The following CCDC30 variants were observed in gnomAD, a reference collection of about 807,000 sequenced individuals.
CCDC30 encodes coiled-coil domain containing 30.
CCDC30 carries 70 observed loss-of-function variants against 100.2 expected under a neutral mutation model. The observed-to-expected ratio is 0.70, with a 90% CI of 0.58 to 0.85. The LOEUF is 0.85. Among genes scored for constraint, CCDC30 ranks in the 40% least tolerant of loss-of-function variants. The pLI, the probability that CCDC30 is intolerant of heterozygous loss-of-function variation, is 0.00. For missense variants in CCDC30, 652 were observed against 771.2 expected (o/e 0.85, Z 1.83); for synonymous variants, 233 against 269.5 (o/e 0.86, Z 1.33).
intron 6 of CCDC30, among the ~76,000 whole-genome samples, chr1:42,499,660 T>C (rs1644278637): frequency 6.6e-6 from 1 of 152,046 alleles, no homozygotes; most frequent in African/African-American, 2.4e-5. Context: ...AAATCTTTTT[T>C]GTAGAGATGA....
intron 6 of CCDC30, chr1:42,542,946 T>G (rs1645045429): frequency 6.5e-6 from 1 of 153,538 alleles, no homozygotes; most frequent in Non-Finnish European, 1.5e-5. Flanking sequence ...CTGTAATGTT[T>G]ACATTTTTAC....
At chr1:42,463,355 G>C (rs1643466682) in exon 1 of CCDC30, 1 of 152,232 alleles carries the variant, frequency 6.6e-6, no homozygotes, top group Admixed American at 6.5e-5. Context: ...AGCGACCCCG[G>C]GACGCTCGCG....
chr1:42,538,148 A>AC (rs199573212), intron 6 of CCDC30, among the ~76,000 whole-genome samples: 2 of 77,956 alleles, frequency 2.6e-5, no homozygotes, highest in African/African-American at 1.2e-4. Flanking sequence ...CACTGTCTCC[A>AC]CAAAAAAAAA....
intron 1 of CCDC30, among the ~76,000 whole-genome samples, chr1:42,465,824 G>C (rs1313684647): frequency 2.0e-5 from 3 of 152,142 alleles, no homozygotes; most frequent in Non-Finnish European, 2.9e-5. Flanking sequence ...AATATGCACA[G>C]AACTGCCTCC....
chr1:42,639,583 G>T (rs948459732), intron 12 of CCDC30, among the ~76,000 whole-genome samples: 8 of 152,172 alleles, frequency 5.3e-5, no homozygotes, highest in African/African-American at 1.9e-4. Flanking sequence ...CCATTGAAGG[G>T]TACTGTGGGC....
intron 10 of CCDC30, among the ~76,000 whole-genome samples, chr1:42,602,462 G>A (rs572929113): frequency 6.6e-6 from 1 of 151,832 alleles, no homozygotes; most frequent in South Asian, 2.1e-4. Flanking sequence ...ATGAAAAGAG[G>A]GAACATTACT....
chr1:42,587,420 A>G (rs959839288), intron 9 of CCDC30, among the ~76,000 whole-genome samples: 1 of 152,236 alleles, frequency 6.6e-6, no homozygotes, highest in Non-Finnish European at 1.5e-5. Context: ...TAGTCTGGAA[A>G]TTGAGAGTGG....
At chr1:42,589,670 G>T (rs1646145831) in intron 10 of CCDC30, 187 bp downstream of exon 14, 1 of 501,754 alleles carries the variant, frequency 2.0e-6, no homozygotes. Context: ...TTACAAAACA[G>T]TTGGAAGGGA....
At chr1:42,502,363 A>G (rs1049648970) in intron 6 of CCDC30, among the ~76,000 whole-genome samples, 1 of 152,122 alleles carries the variant, frequency 6.6e-6, no homozygotes, top group African/African-American at 2.4e-5. Flanking sequence ...CCAATTTTCC[A>G]GGTACCGTCT....
At chr1:42,610,866 A>G in intron 10 of CCDC30, 112 bp from the exon 15 acceptor site, 1 of 570,152 alleles carries the variant, frequency 1.8e-6, no homozygotes, top group South Asian at 2.5e-5. Context: ...TGATCTCAGA[A>G]GCAGGAGTGA....
chr1:42,560,863 G>A (rs879809371), intron 6 of CCDC30, among the ~76,000 whole-genome samples: 22 of 152,106 alleles, frequency 1.4e-4, no homozygotes, highest in Admixed American at 6.6e-4. Context: ...TAGAAGAAAT[G>A]GATAAATTCC....
chr1:42,524,761 A>C (rs960696961), intron 6 of CCDC30, among the ~76,000 whole-genome samples: 2 of 152,212 alleles, frequency 1.3e-5, no homozygotes, highest in African/African-American at 4.8e-5. Context: ...AATTAACAGC[A>C]ATTTACCATC....
chr1:42,506,097 A>G (rs959952674), intron 6 of CCDC30, among the ~76,000 whole-genome samples: 1 of 152,272 alleles, frequency 6.6e-6, no homozygotes, highest in Non-Finnish European at 1.5e-5. Context: ...TTTATTCACA[A>G]GAGTATACCT....
intron 4 of CCDC30, among the ~76,000 whole-genome samples, chr1:42,496,373 A>G (rs534674442): frequency 9.9e-5 from 15 of 152,086 alleles, no homozygotes; most frequent in Non-Finnish European, 2.1e-4. Flanking sequence ...CTAGAACTCT[A>G]CTTCAGAGCT....
At chr1:42,498,764 A>G in intron 5 of CCDC30, 54 bp from the exon 6 acceptor site, 1 of 884,178 alleles carries the variant, frequency 1.1e-6, no homozygotes, top group Non-Finnish European at 1.5e-6. Context: ...CAAAACAATA[A>G]TTTATCCAAA....
intron 14 of CCDC30, among the ~76,000 whole-genome samples, chr1:42,645,626 G>A (rs994631286): frequency 6.6e-6 from 1 of 151,980 alleles, no homozygotes; most frequent in African/African-American, 2.4e-5. Flanking sequence ...GACTTGTTTG[G>A]TCTCAGAGAG....
At chr1:42,584,571 C>T (rs914802333) in intron 9 of CCDC30, among the ~76,000 whole-genome samples, 11 of 151,390 alleles carry the variant, frequency 7.3e-5, no homozygotes, top group African/African-American at 2.7e-4. Context: ...CCAACGTGGG[C>T]AACAGGGCAG....
chr1:42,601,016 C>G (rs1445213143), intron 10 of CCDC30, among the ~76,000 whole-genome samples: 1 of 152,136 alleles, frequency 6.6e-6, no homozygotes, highest in African/African-American at 2.4e-5. Context: ...ATAAATTACC[C>G]AGTCTCAGGT....
chr1:42,582,625 A>G (rs760250564), intron 9 of CCDC30, among the ~76,000 whole-genome samples: 3 of 152,188 alleles, frequency 2.0e-5, no homozygotes, highest in Non-Finnish European at 2.9e-5. Flanking sequence ...CACTCTCATA[A>G]TAAACAGGTT....
Sources: gnomAD v4.1 joint callset for allele counts (sites outside exome capture counted in the v4.1 genomes callset) on GRCh38, gnomAD v4.1.1 for gene constraint, MANE v1.5 for transcripts, NCBI Gene and HGNC (gene_info 2026-07-23, HGNC 2026-07-21) for gene names.